Variants in KCP observed in about 807,000 individuals in gnomAD.
KCP encodes the protein kielin cysteine rich BMP regulator, also known as kielin/chordin-like protein.
Under a neutral mutation model 212.7 loss-of-function variants are expected in KCP, and 194 were observed. The ratio of observed to expected loss-of-function variants is 0.91; its 90% CI spans 0.81 to 1.03. The LOEUF is 1.03. Ranked by LOEUF, KCP falls within the 50% of genes least tolerant of loss-of-function variation. The pLI is 0.00. For synonymous variants in KCP, 833 were observed against 865.3 expected (o/e 0.96, Z 0.65); for missense variants, 2,080 against 2,162.5 (o/e 0.96, Z 0.76).
chr7:128,893,509 G>C, intron 11 of KCP, 33 bp from the exon 12 acceptor site: 2 of 1,456,506 alleles, frequency 1.4e-6, no homozygotes, highest in Non-Finnish European at 1.9e-6. Context: ...GGGGGTATAG[G>C]GCTGGAGGCA....
intron 8 of KCP, among the ~76,000 whole-genome samples, chr7:128,899,754 G>A (rs1794728694): frequency 6.9e-6 from 1 of 145,084 alleles, no homozygotes. Context: ...AGTGCAATAA[G>A]AATCTGTTTT....
Position 128,891,524 on chromosome 7 carries a change from A to G in KCP, c.1805T>C (p.Phe602Ser), listed in dbSNP as rs1429671249. Residue 602 changes from phenylalanine (F) to serine (S), a missense_variant, in exon 18 of 40, where the codon TTT (phenylalanine) becomes TCT (serine). Transcript: ENST00000610776. ...TCCGCTGGGGTACTCTTTCCCGCCA[A>G]AGGCACAGCCTGGGGGAGGGAGGGG... ...CCPNDCSGCA[F>S]GGKEYPSGAD... 4 of 1,549,298 alleles carry G rather than the reference A, an allele frequency of 2.6e-6. No individual in the cohort carries two copies. The highest frequency in any genetic ancestry group is 1.4e-5 in the African/African-American group (1 of 72,996).
chr7:128,888,214 C>T (rs977681198), intron 22 of KCP, among the ~76,000 whole-genome samples: 2 of 140,400 alleles, frequency 1.4e-5, no homozygotes, highest in African/African-American at 5.4e-5. Flanking sequence ...AGATACACAG[C>T]CACACACACA....
chr7:128,900,230 A>G (rs1794771088), intron 8 of KCP, among the ~76,000 whole-genome samples: 1 of 152,224 alleles, frequency 6.6e-6, no homozygotes, highest in Admixed American at 6.5e-5. Context: ...CAGTGTTACC[A>G]TGATTAGTCT....
chr7:128,893,377 G>A lies in KCP; in HGVS notation c.1185+14C>T. ...AATGAGGCAGATCTGGGTGTGAGCGGAGGGACCGCCTACCTGGCAGGAGCA... is the reference window on the plus strand; with the variant it reads ...AATGAGGCAGATCTGGGTGTGAGCGAAGGGACCGCCTACCTGGCAGGAGCA... On this transcript the variant is annotated intron_variant, in intron 12 of 39. Coordinates refer to ENST00000610776, the MANE Select transcript of KCP (RefSeq NM_001366122.1). 2 of 1,551,628 alleles carry A rather than the reference G, an allele frequency of 1.3e-6. No homozygotes were observed. Among genetic ancestry groups the A allele is most frequent in the Non-Finnish European group, 1.7e-6 (2 of 1,146,918 alleles).
chr7:128,891,250 C>T lies in KCP; in HGVS notation c.1907G>A (p.Arg636His), dbSNP rs1317524998. The T allele has an allele frequency of 4.5e-6, 7 of 1,546,938 alleles. No individual in the cohort carries two copies. Among genetic ancestry groups the T allele is most frequent in the Non-Finnish European group, 6.1e-6 (7 of 1,146,666 alleles). ...CTCTGGACAGGGCAGCGGCACGCAG[C>T]GGCGGGCCAGGCACTGCACGTTGCC... The part of the protein sequence containing the change: ...LSGNVQCLAR[R>H]CVPLPCPEPV... Residue 636 changes from arginine to histidine, a missense_variant, in exon 19 of 40, where the codon CGC becomes CAC. Coordinates refer to ENST00000610776, the MANE Select transcript of KCP (RefSeq NM_001366122.1).
At chr7:128,902,212 T>C (rs1240339975) in intron 8 of KCP, among the ~76,000 whole-genome samples, 1 of 152,192 alleles carries the variant, frequency 6.6e-6, no homozygotes, top group Non-Finnish European at 1.5e-5. Flanking sequence ...TATTTAAAAG[T>C]AAAACAAAAC....
At chr7:128,890,319 A>C (rs1794012334) in intron 21 of KCP, 24 bp downstream of exon 21, 1 of 1,551,376 alleles carries the variant, frequency 6.4e-7, no homozygotes, top group African/African-American at 1.4e-5. Flanking sequence ...CCACCCCGGC[A>C]GCTCCCTATC....
intron 5 of KCP, among the ~76,000 whole-genome samples, chr7:128,905,164 C>G (rs1795062682): frequency 6.6e-6 from 1 of 152,082 alleles, no homozygotes; most frequent in African/African-American, 2.4e-5. Context: ...ACTGAGACTC[C>G]TCTCTCGGAG....
intron 2 of KCP, among the ~76,000 whole-genome samples, chr7:128,908,203 A>AC (rs1795228257): frequency 6.7e-6 from 1 of 148,556 alleles, no homozygotes; most frequent in African/African-American, 2.5e-5. Flanking sequence ...AAAAGAAAGA[A>AC]AAAAAAAGAA....
intron 8 of KCP, among the ~76,000 whole-genome samples, chr7:128,895,347 T>C (rs1794453552): frequency 6.6e-6 from 1 of 152,170 alleles, no homozygotes; most frequent in Non-Finnish European, 1.5e-5. Context: ...GGCATCTACC[T>C]CTAGAAGCTG....
intron 22 of KCP, among the ~76,000 whole-genome samples, chr7:128,888,162 CCACA>C (rs1793822433): frequency 2.4e-5 from 3 of 124,068 alleles, no homozygotes. Context: ...ACATACACAG[CCACA>C]CAAACACACA....
intron 5 of KCP, among the ~76,000 whole-genome samples, chr7:128,905,884 C>A (rs1188993629): frequency 1.3e-5 from 2 of 152,040 alleles, no homozygotes; most frequent in Admixed American, 1.3e-4. Context: ...CTGTAAAGGC[C>A]CCCTGACTGC....
At chr7:128,882,082 C>T (rs1056650212) in intron 29 of KCP, 66 bp from the exon 30 acceptor site, 3 of 1,234,380 alleles carry the variant, frequency 2.4e-6, no homozygotes, top group African/African-American at 3.0e-5. Context: ...TCCCAGCTGT[C>T]CCCATGCACT....
At chr7:128,885,755 C>G (rs73721648) in intron 26 of KCP, among the ~76,000 whole-genome samples, 5,297 of 152,206 alleles carry the variant, frequency 0.035, 297 homozygotes, top group African/African-American at 0.11. Flanking sequence ...CACCACACTG[C>G]GCAGGGTGTG....
chr7:128,893,164 G>A, intron 13 of KCP, 74 bp downstream of exon 13: 1 of 1,424,908 alleles, frequency 7.0e-7, no homozygotes, highest in Non-Finnish European at 9.7e-7. Flanking sequence ...CCCCGTCCTG[G>A]GAAGGAGCAC....
At chr7:128,900,558 A>G (rs1563048946) in intron 8 of KCP, among the ~76,000 whole-genome samples, 1 of 152,122 alleles carries the variant, frequency 6.6e-6, no homozygotes, top group East Asian at 1.9e-4. Flanking sequence ...AATTTTACTG[A>G]TTTTGCTTTA....
At chr7:128,906,975 C>T (rs1050579091) in intron 4 of KCP, 126 bp downstream of exon 4, 90 of 906,564 alleles carry the variant, frequency 9.9e-5, no homozygotes, top group African/African-American at 6.7e-4. Context: ...TGAAAGCCAC[C>T]GTGGCAAGGT....
chr7:128,887,019 G>T (rs1410273771), intron 23 of KCP, 53 bp from the exon 24 acceptor site: 4 of 1,105,172 alleles, frequency 3.6e-6, no homozygotes, highest in Non-Finnish European at 5.4e-6. Flanking sequence ...TTTCCCCAGG[G>T]CTGGAGCCCC....
Sources: gnomAD v4.1 joint callset for allele counts (sites outside exome capture counted in the v4.1 genomes callset) on GRCh38, gnomAD v4.1.1 for gene constraint, MANE v1.5 for transcripts, NCBI Gene and HGNC (gene_info 2026-07-23, HGNC 2026-07-21) for gene names.